LRP6: variants seen among roughly 807,000 people sequenced by gnomAD.
LRP6 encodes low-density lipoprotein receptor-related protein 6.
Under a neutral mutation model 184.1 loss-of-function variants are expected in LRP6, and 43 were observed. The ratio of observed to expected loss-of-function variants is 0.23; its 90% CI spans 0.18 to 0.30. LRP6 has a LOEUF of 0.30. Among genes scored for constraint, LRP6 ranks in the 10% least tolerant of loss-of-function variants. The pLI is 1.00. For synonymous variants in LRP6, 719 were observed against 684.9 expected, an observed-to-expected ratio of 1.05 and a Z score of -0.78; for missense variants, 1,571 against 2,005.3, an observed-to-expected ratio of 0.78 and a Z score of 4.14.
intron 7 of LRP6, among the ~76,000 whole-genome samples, chr12:12,175,154 C>T (rs773819317): frequency 2.0e-5 from 3 of 152,114 alleles, no homozygotes; most frequent in Admixed American, 6.6e-5. Context: ...TTTGGCAGGC[C>T]GAGGTGGGTG....
intron 15 of LRP6, among the ~76,000 whole-genome samples, chr12:12,143,643 T>C (rs1289171420): frequency 6.6e-6 from 1 of 152,058 alleles, no homozygotes; most frequent in African/African-American, 2.4e-5. Context: ...GGACAGTCTT[T>C]CCAGTAAATG....
chr12:12,206,232 G>A (rs1388106021), intron 2 of LRP6, among the ~76,000 whole-genome samples: 1 of 152,154 alleles, frequency 6.6e-6, no homozygotes, highest in Non-Finnish European at 1.5e-5. Flanking sequence ...TAGGAAGGTA[G>A]ACCAGACCAT....
intron 3 of LRP6, among the ~76,000 whole-genome samples, 170 bp downstream of exon 3, chr12:12,203,033 A>C (rs1464035079): frequency 6.6e-6 from 1 of 152,260 alleles, no homozygotes; most frequent in Non-Finnish European, 1.5e-5. Flanking sequence ...GATGGATGAT[A>C]AATGTAATTA....
At chr12:12,198,396 A>T in intron 3 of LRP6, among the ~76,000 whole-genome samples, 1 of 150,700 alleles carries the variant, frequency 6.6e-6, no homozygotes. Context: ...TTGGTCTTTA[A>T]ATTTTTCCTC....
chr12:12,243,244 C>A (rs1865107840), intron 2 of LRP6, among the ~76,000 whole-genome samples: 1 of 152,170 alleles, frequency 6.6e-6, no homozygotes, highest in African/African-American at 2.4e-5. Context: ...GGATACAGTT[C>A]ACACTCTGAA....
At chr12:12,236,129 A>C (rs1864927116) in intron 2 of LRP6, among the ~76,000 whole-genome samples, 1 of 152,114 alleles carries the variant, frequency 6.6e-6, no homozygotes, top group Non-Finnish European at 1.5e-5. Flanking sequence ...CGGGAGGCTG[A>C]GGCAGGAGAA....
intron 2 of LRP6, among the ~76,000 whole-genome samples, chr12:12,227,409 C>CTT (rs776157812): frequency 1.4e-4 from 20 of 139,778 alleles, no homozygotes; most frequent in African/African-American, 4.7e-4. Flanking sequence ...CTTTCTTTTC[C>CTT]TTTTTTTTTT....
intron 2 of LRP6, among the ~76,000 whole-genome samples, chr12:12,206,824 A>G (rs1864072384): frequency 6.6e-6 from 1 of 151,990 alleles, no homozygotes; most frequent in Non-Finnish European, 1.5e-5. Context: ...GGAGAAAAAA[A>G]TGCCTGCGGT....
intron 19 of LRP6, among the ~76,000 whole-genome samples, chr12:12,128,169 T>C (rs1393439083): frequency 5.9e-5 from 9 of 152,216 alleles, no homozygotes; most frequent in Admixed American, 5.2e-4. Context: ...CTATTTGCCA[T>C]ATTCAATATA....
chr12:12,138,432 A>G lies in LRP6; in HGVS notation c.3500T>C (p.Ile1167Thr). The change falls in exon 16 of 23, where the codon ATT becomes ACT. Residue 1167 changes from isoleucine to threonine, a missense_variant. Around this residue, in one of 4 missense-constraint regions of LRP6, gnomAD observed 763 missense variants for 859.5 expected, o/e 0.89. Transcript: ENST00000261349. The part of the protein sequence containing the change: ...LYWIDKQQQM[I>T]EKIDMTGREG... The stretch of plus-strand genomic sequence containing the variant: ...TCGACCTGTCATGTCAATTTTTTCA[A>G]TCATTTGCTGCTGTTTATCAATCCA... 1 of 1,614,102 alleles carries G rather than the reference A, an allele frequency of 6.2e-7. No individual in the cohort carries two copies. The highest frequency in any genetic ancestry group is 8.5e-7 in the Non-Finnish European group (1 of 1,180,006).
At chr12:12,186,572 G>T (rs987321645) in intron 4 of LRP6, among the ~76,000 whole-genome samples, 2 of 150,622 alleles carry the variant, frequency 1.3e-5, no homozygotes, top group Non-Finnish European at 2.9e-5. Context: ...TAGAGACAGG[G>T]TTTCACCAGG....
At chr12:12,173,176 G>C (rs1350099967) in intron 7 of LRP6, among the ~76,000 whole-genome samples, 1 of 152,138 alleles carries the variant, frequency 6.6e-6, no homozygotes, top group Non-Finnish European at 1.5e-5. Flanking sequence ...AAGGCATCAT[G>C]ATGACGAATG....
intron 7 of LRP6, among the ~76,000 whole-genome samples, chr12:12,179,361 AAGATATAGATAT>A (rs71061019): frequency 0.24 from 19,917 of 83,462 alleles, 1,512 homozygotes; most frequent in East Asian, 0.34. Flanking sequence ...ACAGCAATAA[AAGATATAGATAT>A]AGATATAGAT....
chr12:12,129,607 C>T (rs1004439040), intron 19 of LRP6, among the ~76,000 whole-genome samples: 1 of 151,888 alleles, frequency 6.6e-6, no homozygotes, highest in African/African-American at 2.4e-5. Flanking sequence ...GGTTGGAGTA[C>T]AATGGCACGA....
At chr12:12,230,112 AAGGT>A (rs1207439441) in intron 2 of LRP6, among the ~76,000 whole-genome samples, 1 of 152,222 alleles carries the variant, frequency 6.6e-6, no homozygotes, top group African/African-American at 2.4e-5. Flanking sequence ...AATGGAGTGA[AAGGT>A]AGAAGATGAG....
chr12:12,169,974 T>A (rs1862988136), intron 7 of LRP6, among the ~76,000 whole-genome samples: 1 of 152,018 alleles, frequency 6.6e-6, no homozygotes, highest in South Asian at 2.1e-4. Flanking sequence ...AGGAGAAATA[T>A]AACACAAGCC....
chr12:12,137,205 A>G (rs987220099), intron 16 of LRP6, among the ~76,000 whole-genome samples: 5 of 152,220 alleles, frequency 3.3e-5, no homozygotes, highest in African/African-American at 9.6e-5. Flanking sequence ...CAGAATTTCA[A>G]TAATTGTCTC....
intron 2 of LRP6, among the ~76,000 whole-genome samples, chr12:12,224,956 G>C (rs1046632660): frequency 1.3e-5 from 2 of 152,216 alleles, no homozygotes. Context: ...TGTAATCCCA[G>C]CACTTTAGGA....
intron 7 of LRP6, among the ~76,000 whole-genome samples, chr12:12,168,688 T>C (rs760983962): frequency 2.6e-5 from 4 of 152,206 alleles, no homozygotes; most frequent in Admixed American, 6.5e-5. Context: ...ATTTTAAATG[T>C]AGAATTATGA....
Sources: gnomAD v4.1 joint callset for allele counts (sites outside exome capture counted in the v4.1 genomes callset) on GRCh38, gnomAD v4.1.1 for gene constraint, gnomAD v4.1.1 regional missense constraint, MANE v1.5 for transcripts, NCBI Gene and HGNC (gene_info 2026-07-23, HGNC 2026-07-21) for gene names.